The following MYO1B variants were observed in gnomAD, a reference collection of about 807,000 sequenced individuals.
The protein encoded by MYO1B is unconventional myosin-Ib.
Under a neutral mutation model 159.7 loss-of-function variants are expected in MYO1B, and 72 were observed. The ratio of observed to expected loss-of-function variants is 0.45; its 90% confidence interval spans 0.37 to 0.55. MYO1B has a LOEUF of 0.55. Ranked by LOEUF, MYO1B falls within the 20% of genes least tolerant of loss-of-function variation. The probability of loss-of-function intolerance (pLI) is 0.00; values close to 1 mark genes in which losing one functional copy is unlikely to be tolerated. For missense variants in MYO1B, 1,062 were observed against 1,364.8 expected (o/e 0.78, Z 3.50); for synonymous variants, 468 against 473.8 (o/e 0.99, Z 0.16).
intron 17 of MYO1B, chr2:191,387,713 A>T: frequency 2.1e-6 from 1 of 482,648 alleles, no homozygotes; most frequent in East Asian, 3.5e-5. Context: ...AGGGGTTTTC[A>T]ACTTTCTGTA....
chr2:191,411,196 T>C lies in MYO1B; in HGVS notation c.2873+24T>C. On this transcript the variant is annotated intron_variant, in intron 27 of 30. Coordinates refer to ENST00000392318, the MANE Select transcript of MYO1B (RefSeq NM_001130158.3). ...AGGTATTATGGCTTTGCTTTACCCA[T>C]AAAATTCAGGATTATAAAAGTTTCT... 2.8e-6 allele frequency: 4 copies of C among 1,444,616 alleles called. No individual in the cohort carries two copies. The South Asian group carries it at 5.1e-5, about 18-fold the overall frequency. 89.5% of individuals were successfully genotyped at this position (1,444,616 alleles called of 1,614,324 possible).
intron 4 of MYO1B, among the ~76,000 whole-genome samples, chr2:191,333,617 T>C (rs1459529089): frequency 2.0e-5 from 3 of 152,188 alleles, no homozygotes; most frequent in Non-Finnish European, 4.4e-5. Flanking sequence ...CAGTGTCTAA[T>C]GGGTTTCTCT....
At chr2:191,421,304 A>T (rs897229934) in intron 30 of MYO1B, among the ~76,000 whole-genome samples, 1 of 151,990 alleles carries the variant, frequency 6.6e-6, no homozygotes, top group African/African-American at 2.4e-5. Flanking sequence ...TCCTGACCTC[A>T]GGTGATCCGA....
In MYO1B at chr2:191,322,317, A is replaced by ATCT. The variant is rs1690775538; in HGVS notation, c.252-7616_252-7614dup. Among the ~76,000 whole-genome samples, 3 of 152,118 alleles carry ATCT rather than the reference A, an allele frequency of 2.0e-5. No homozygotes were observed. In the East Asian group the frequency reaches 5.8e-4, roughly 29 times the overall value. On this transcript the variant is annotated intron_variant, in intron 3 of 30. Coordinates refer to ENST00000392318, the MANE Select transcript of MYO1B (RefSeq NM_001130158.3). ...GATGTTTCCTTCTCTCTGCTTTTAT[A>ATCT]TCTTAAGTTCAGTCCTTTTCCTTCC...
At chr2:191,419,310 C>T (rs1483159144) in intron 30 of MYO1B, among the ~76,000 whole-genome samples, 1 of 152,078 alleles carries the variant, frequency 6.6e-6, no homozygotes, top group African/African-American at 2.4e-5. Flanking sequence ...GCTCCGCCTC[C>T]TGGGTTCATG....
intron 5 of MYO1B, among the ~76,000 whole-genome samples, chr2:191,342,052 A>G (rs1391894484): frequency 6.6e-6 from 1 of 152,208 alleles, no homozygotes; most frequent in Non-Finnish European, 1.5e-5. Context: ...GGGCTGCCAT[A>G]ACAAAGTACA....
chr2:191,357,667 C>T (rs901896189), intron 7 of MYO1B, among the ~76,000 whole-genome samples: 1 of 152,138 alleles, frequency 6.6e-6, no homozygotes, highest in Non-Finnish European at 1.5e-5. Flanking sequence ...GAAGAGAAGG[C>T]CGTGCCAATG....
intron 27 of MYO1B, among the ~76,000 whole-genome samples, chr2:191,412,585 G>C (rs1254028955): frequency 1.3e-5 from 2 of 152,204 alleles, no homozygotes; most frequent in African/African-American, 4.8e-5. Flanking sequence ...TTTATATCCT[G>C]AGAGCTGTGA....
chr2:191,263,236 G>T (rs924563746), intron 1 of MYO1B: 3 of 742,804 alleles, frequency 4.0e-6, no homozygotes, highest in Non-Finnish European at 4.9e-6. Context: ...ACAGGATATT[G>T]ACCTACTTTC....
intron 1 of MYO1B, among the ~76,000 whole-genome samples, chr2:191,250,288 T>C (rs1234409478): frequency 1.3e-5 from 2 of 152,116 alleles, no homozygotes; most frequent in African/African-American, 4.8e-5. Flanking sequence ...CTTCTCTGAC[T>C]TAGGTTTTAT....
chr2:191,265,157 T>TA (rs994030785), intron 1 of MYO1B, among the ~76,000 whole-genome samples: 1 of 151,408 alleles, frequency 6.6e-6, no homozygotes, highest in African/African-American at 2.4e-5. Flanking sequence ...CCATTGTCAC[T>TA]AAAAGAGCCT....
intron 2 of MYO1B, among the ~76,000 whole-genome samples, chr2:191,283,798 C>T (rs549631803): frequency 6.6e-6 from 1 of 152,130 alleles, no homozygotes; most frequent in Non-Finnish European, 1.5e-5. Flanking sequence ...ATACAAAAGC[C>T]CTTTCAATTC....
At chr2:191,422,096 A>T (rs1697975650) in intron 30 of MYO1B, among the ~76,000 whole-genome samples, 1 of 152,208 alleles carries the variant, frequency 6.6e-6, no homozygotes, top group South Asian at 2.1e-4. Context: ...AAACTAATGG[A>T]TACAGAGCAG....
Position 191,385,985 on chromosome 2 carries a change from C to T in MYO1B, c.1455C>T (p.Thr485=). 6.2e-7 allele frequency: 1 copy of T among 1,614,130 alleles called. No individual in the cohort carries two copies. ...FLEKLNQVCA[T]HQHFESRMSK... ...AAAAGCTGAACCAAGTATGTGCCAC[C>T]CACCAGCATTTTGAGAGCAGGATGA... Residue 485 remains threonine (T), a synonymous_variant, in exon 16 of 31, where the codon ACC becomes ACT. Transcript: ENST00000392318.
intron 28 of MYO1B, 66 bp from the exon 29 acceptor site, chr2:191,414,450 TA>T: frequency 6.9e-7 from 1 of 1,451,984 alleles, no homozygotes; most frequent in Non-Finnish European, 9.2e-7. Context: ...AATAATGCCT[TA>T]AACTCATGGA....
In MYO1B at chr2:191,388,876, CCCT is replaced by C. The variant is rs985684017; in HGVS notation, c.1782-1412_1782-1410del. ...ATTACCCCAGAAAGCTTCTTCATTC[CCCT>C]CCTTTTTTTATTTTTACAGCTTTTC... On this transcript the variant is annotated intron_variant, in intron 17 of 30. Transcript: ENST00000392318. Among the ~76,000 whole-genome samples the C allele has an allele frequency of 1.2e-4, 18 of 151,988 alleles. No individual in the cohort carries two copies. The Middle Eastern group carries it at 0.01, about 86-fold the overall frequency.
At position 191,424,146 on chromosome 2, in the gene MYO1B, C is replaced by A. The variant is rs142222149; in HGVS notation, c.*186C>A. 77 of 664,772 alleles carry A rather than the reference C, an allele frequency of 1.2e-4. No individual in the cohort carries two copies. In the African/African-American group the frequency reaches 1.3e-3, roughly 11 times the overall value. 41.2% of individuals were successfully genotyped at this position (664,772 alleles called of 1,614,324 possible). On this transcript the variant is annotated 3_prime_UTR_variant, in exon 31 of 31. Coordinates refer to ENST00000392318, the MANE Select transcript of MYO1B (RefSeq NM_001130158.3). ...AGTTTTAACCTTTCAAATACATGTT[C>A]TGTCCTGGAGCAGGATTGTAGAAAC...
intron 21 of MYO1B, 35 bp downstream of exon 21, chr2:191,396,532 G>T: frequency 6.2e-7 from 1 of 1,604,678 alleles, no homozygotes; most frequent in Non-Finnish European, 8.5e-7. Flanking sequence ...ATTTATTTTG[G>T]GTTTTCTGGT....
At chr2:191,366,610 CAA>C (rs1220164131) in intron 11 of MYO1B, among the ~76,000 whole-genome samples, 2 of 150,940 alleles carry the variant, frequency 1.3e-5, no homozygotes, top group Non-Finnish European at 2.9e-5. Context: ...AAACTCAAGA[CAA>C]GAGTTTTTCA....
Sources: allele counts gnomAD v4.1 joint callset (sites outside exome capture counted in the v4.1 genomes callset), GRCh38; gene constraint gnomAD v4.1.1; transcripts MANE v1.5; gene names NCBI Gene and HGNC (gene_info 2026-07-23, HGNC 2026-07-21).